PAN3: variants seen among roughly 807,000 people sequenced by gnomAD.
The protein encoded by PAN3 is PAN2-PAN3 deadenylation complex subunit PAN3.
A neutral mutation model predicts 96.2 loss-of-function variants in PAN3; 19 were observed. That is an observed-to-expected ratio of 0.20 (90% CI 0.14 to 0.29). The LOEUF (loss-of-function observed/expected upper bound fraction) is 0.29. Ranked by LOEUF, PAN3 falls within the 10% of genes least tolerant of loss-of-function variation. The pLI, the probability that PAN3 is intolerant of heterozygous loss-of-function variation, is 1.00. For synonymous variants in PAN3, 433 were observed against 406.6 expected (o/e 1.06, Z -0.78); for missense variants, 882 against 1,108.1 (o/e 0.80, Z 2.90).
At chr13:28,202,792 A>G (rs1423040463) in intron 5 of PAN3, among the ~76,000 whole-genome samples, 1 of 152,158 alleles carries the variant, frequency 6.6e-6, no homozygotes, top group Non-Finnish European at 1.5e-5. Flanking sequence ...GATTGTAAAT[A>G]CTTGAGGTTA....
At chr13:28,143,648 G>A (rs1566131087) in intron 1 of PAN3, among the ~76,000 whole-genome samples, 3 of 152,098 alleles carry the variant, frequency 2.0e-5, no homozygotes, top group Non-Finnish European at 4.4e-5. Context: ...AAAATTGCAT[G>A]GCATTGCCTG....
chr13:28,176,593 G>C (rs1190101960), intron 3 of PAN3, 34 bp downstream of exon 3: 5 of 1,582,554 alleles, frequency 3.2e-6, no homozygotes, highest in Non-Finnish European at 8.7e-7. Flanking sequence ...ATGTGTGTCT[G>C]TGTATATATT....
intron 1 of PAN3, among the ~76,000 whole-genome samples, chr13:28,159,400 T>C (rs897970760): frequency 7.9e-5 from 12 of 152,120 alleles, no homozygotes; most frequent in African/African-American, 2.9e-4. Flanking sequence ...GAACTAAATA[T>C]TGAGTATACA....
intron 18 of PAN3, among the ~76,000 whole-genome samples, chr13:28,288,794 A>G (rs1396900040): frequency 6.7e-6 from 1 of 149,314 alleles, no homozygotes; most frequent in African/African-American, 2.5e-5. Flanking sequence ...ATTGTGAGTT[A>G]TGTTGGGTGT....
At chr13:28,270,029 A>T (rs1462575460) in intron 12 of PAN3, among the ~76,000 whole-genome samples, 1 of 152,186 alleles carries the variant, frequency 6.6e-6, no homozygotes, top group Non-Finnish European at 1.5e-5. Context: ...GGAGTTGGAG[A>T]TCAGCCTGGG....
Position 28,177,880 on chromosome 13 carries a change from C to T in PAN3, c.635C>T (p.Pro212Leu). The part of the protein sequence containing the change: ...PYSAHDPLTS[P>L]ASSLFNDFGA... ...TACCTTTCAGATCCTCTAACATCAC[C>T]TGCTTCATCCTTGTTTAATGACTTT... The change falls in exon 4 of 19, where the codon CCT becomes CTT. Residue 212 changes from proline (P) to leucine (L), a missense_variant. This residue lies in a region of PAN3 where 442 missense variants were observed against 422.8 expected (regional missense o/e 1.05). Coordinates refer to ENST00000380958, the MANE Select transcript of PAN3 (RefSeq NM_175854.8). The T allele has an allele frequency of 1.2e-6, 2 of 1,613,066 alleles. No individual in the cohort carries two copies. Among genetic ancestry groups the T allele is most frequent in the Non-Finnish European group, 1.7e-6 (2 of 1,179,290 alleles).
chr13:28,244,942 G>A (rs112682673), intron 6 of PAN3, among the ~76,000 whole-genome samples: 9 of 152,090 alleles, frequency 5.9e-5, no homozygotes, highest in African/African-American at 1.4e-4. Flanking sequence ...TCCGCCTCCC[G>A]GGTTCTAGCA....
chr13:28,190,502 C>T (rs895783796), intron 4 of PAN3, among the ~76,000 whole-genome samples: 2 of 152,112 alleles, frequency 1.3e-5, no homozygotes, highest in Non-Finnish European at 2.9e-5. Flanking sequence ...TTAAGCAGTC[C>T]TCCTGCCTTG....
In PAN3 at chr13:28,278,038, G is replaced by C. The variant is rs570790659; in HGVS notation, c.2189+662G>C. Among the ~76,000 whole-genome samples, 4 of 152,386 alleles carry C rather than the reference G, an allele frequency of 2.6e-5. No individual in the cohort carries two copies. In the South Asian group the frequency reaches 8.3e-4, roughly 32 times the overall value. ...CCGTAAGATATAGCTACTATTGGGA[G>C]ATCCCAGAGGGTGGGCAACCACGAC... On this transcript the variant is annotated intron_variant, in intron 15 of 18. Transcript: ENST00000380958.
intron 6 of PAN3, among the ~76,000 whole-genome samples, chr13:28,220,925 A>T (rs1881337198): frequency 6.6e-6 from 1 of 152,218 alleles, no homozygotes; most frequent in Non-Finnish European, 1.5e-5. Context: ...CAGTAGAGAA[A>T]AACACTTTTT....
chr13:28,239,761 G>GAA, intron 6 of PAN3: 4 of 971,078 alleles, frequency 4.1e-6, no homozygotes, highest in Non-Finnish European at 5.7e-6. Flanking sequence ...ATCATAAGGG[G>GAA]TTGCTGTTGT....
chr13:28,202,935 A>G (rs1488516112), intron 5 of PAN3, among the ~76,000 whole-genome samples: 1 of 152,076 alleles, frequency 6.6e-6, no homozygotes, highest in Non-Finnish European at 1.5e-5. Context: ...TTTAAATGCT[A>G]CTGTTTAATT....
intron 17 of PAN3, 22 bp from the exon 18 acceptor site, chr13:28,287,962 G>A (rs201939770): frequency 5.1e-5 from 82 of 1,599,808 alleles, no homozygotes; most frequent in Non-Finnish European, 6.7e-5. Context: ...AGTTACTGAG[G>A]TAAAATGTTC....
rs180718458 is a variant in PAN3 at position 28,215,074 on chromosome 13, C to T, written c.853-5157C>T. 8.4e-6 allele frequency: 8 copies of T among 946,760 alleles called. No homozygotes were observed. In the African/African-American group the frequency reaches 1.1e-4, roughly 13 times the overall value. The allele number at this position is 946,760 out of a possible 1,614,324, so 58.6% of individuals were successfully genotyped here. A position where few individuals can be genotyped will look rare whatever the true frequency, so the allele number is the denominator to read the frequency against. On this transcript the variant is annotated intron_variant, in intron 5 of 18. Transcript: ENST00000380958. ...AATAAAATTGGCTACAATCCTGACA[C>T]AGTAGCATTTGTGCCATTTGCTGGT...
At chr13:28,216,051 T>G (rs1296778462) in intron 5 of PAN3, among the ~76,000 whole-genome samples, 1 of 152,138 alleles carries the variant, frequency 6.6e-6, no homozygotes, top group African/African-American at 2.4e-5. Context: ...GGAGAATGTT[T>G]TGTGAACTAC....
chr13:28,157,941 C>G (rs1566144296), intron 1 of PAN3, among the ~76,000 whole-genome samples: 1 of 152,204 alleles, frequency 6.6e-6, no homozygotes, highest in Non-Finnish European at 1.5e-5. Flanking sequence ...TACCTGATTT[C>G]AAACTATACT....
chr13:28,184,868 A>C (rs531430218), intron 4 of PAN3, among the ~76,000 whole-genome samples: 1 of 152,120 alleles, frequency 6.6e-6, no homozygotes, highest in South Asian at 2.1e-4. Flanking sequence ...TACATTAGAG[A>C]TGTAAATCTC....
intron 6 of PAN3, among the ~76,000 whole-genome samples, chr13:28,225,949 G>C (rs949643853): frequency 2.6e-5 from 4 of 152,198 alleles, no homozygotes; most frequent in African/African-American, 7.2e-5. Flanking sequence ...TAGAACACTA[G>C]TGTGGGTAAA....
chr13:28,224,646 T>A (rs2138403393), intron 6 of PAN3, among the ~76,000 whole-genome samples: 1 of 152,246 alleles, frequency 6.6e-6, no homozygotes, highest in East Asian at 1.9e-4. Context: ...AGAGAGAGTG[T>A]CTCACTCTGT....
Sources: gnomAD v4.1 joint callset for allele counts (sites outside exome capture counted in the v4.1 genomes callset) on GRCh38, gnomAD v4.1.1 for gene constraint, gnomAD v4.1.1 regional missense constraint, MANE v1.5 for transcripts, NCBI Gene and HGNC (gene_info 2026-07-23, HGNC 2026-07-21) for gene names.